Variants in NUP93 observed in about 807,000 individuals in gnomAD.
NUP93 encodes the protein nucleoporin 93, also known as nuclear pore complex protein Nup93.
In NUP93, 55 loss-of-function variants were observed where a neutral mutation model predicts 107.8. That is an observed-to-expected ratio of 0.51 (90% CI 0.41 to 0.64). The LOEUF (loss-of-function observed/expected upper bound fraction) is 0.64, where lower values mean the gene tolerates loss of function less well. Ranked by LOEUF, NUP93 falls within the 30% of genes least tolerant of loss-of-function variation. The probability of loss-of-function intolerance (pLI) is 0.00; values close to 1 mark genes in which losing one functional copy is unlikely to be tolerated. For missense variants in NUP93, 937 were observed against 1,044.7 expected, an observed-to-expected ratio of 0.90 and a Z score of 1.42; for synonymous variants, 390 against 397.5, an observed-to-expected ratio of 0.98 and a Z score of 0.22.
intron 7 of NUP93, among the ~76,000 whole-genome samples, chr16:56,822,924 C>G (rs1177914710): frequency 6.6e-6 from 1 of 152,174 alleles, no homozygotes; most frequent in Non-Finnish European, 1.5e-5. Context: ...TTGAGACAGA[C>G]CATGAAAACA....
At chr16:56,789,717 G>T (rs536912555) in intron 3 of NUP93, among the ~76,000 whole-genome samples, 23 of 152,218 alleles carry the variant, frequency 1.5e-4, no homozygotes, top group African/African-American at 5.3e-4. Context: ...AGCTCTGCCC[G>T]CTTAGCACTG....
chr16:56,799,805 G>A (rs1332919469), intron 4 of NUP93, among the ~76,000 whole-genome samples: 4 of 152,188 alleles, frequency 2.6e-5, no homozygotes, highest in Non-Finnish European at 5.9e-5. Context: ...AGGTGAAATA[G>A]GGCAGCAGGG....
chr16:56,761,759 G>C (rs1962131226), intron 3 of NUP93, among the ~76,000 whole-genome samples: 1 of 152,098 alleles, frequency 6.6e-6, no homozygotes, highest in South Asian at 2.1e-4. Context: ...TGCCACTTAT[G>C]CATTGTCTTT....
At chr16:56,813,677 A>AG (rs1963361846) in intron 5 of NUP93, among the ~76,000 whole-genome samples, 1 of 152,194 alleles carries the variant, frequency 6.6e-6, no homozygotes, top group Non-Finnish European at 1.5e-5. Context: ...AGTTTCTCCC[A>AG]GGGGCTTACA....
At chr16:56,770,454 A>G (rs1336201832) in intron 3 of NUP93, among the ~76,000 whole-genome samples, 1 of 152,212 alleles carries the variant, frequency 6.6e-6, no homozygotes, top group Non-Finnish European at 1.5e-5. Context: ...TGACAAAAAC[A>G]TTAAATCTGT....
chr16:56,839,065 T>C lies in NUP93; in HGVS notation c.2132T>C (p.Phe711Ser). The C allele has an allele frequency of 6.2e-7, 1 of 1,607,188 alleles. No individual in the cohort carries two copies. Among genetic ancestry groups the C allele is most frequent in the Non-Finnish European group, 8.5e-7 (1 of 1,174,104 alleles). The stretch of plus-strand genomic sequence containing the variant: ...CATAGTGGTCATATTGATAGAGCTT[T>C]TGATGTAAGTTTCAGGAAAGGTGTT... ...EYHSGHIDRA[F>S]DIIERLKLVP... Residue 711 changes from phenylalanine (F) to serine (S), a missense_variant, in exon 19 of 22, where the codon TTT becomes TCT. By Grantham distance (155) the Phe-to-Ser change is radical. Transcript: ENST00000308159.
chr16:56,732,431 A>G lies in NUP93; in HGVS notation c.-15+2220A>G, dbSNP rs182685502. Among the ~76,000 whole-genome samples the G allele has an allele frequency of 3.3e-5, 5 of 152,350 alleles. No individual in the cohort carries two copies. In the East Asian group the frequency reaches 5.8e-4, roughly 18 times the overall value. On this transcript the variant is annotated intron_variant, in intron 1 of 21. Transcript: ENST00000308159. ...GCCTGTGGAGGGTACCACTAGCAAT[A>G]AAAGCACAGATAGGAAGTGTGATGT... is the stretch of plus-strand genomic sequence containing the variant.
Position 56,844,566 on chromosome 16 carries a change from A to C in NUP93, c.2417A>C (p.Asp806Ala), listed in dbSNP as rs1014812302. Reference sequence around the variant, plus strand: ...ATGATACCATACCGAACGTCTGGGGACACCAATGCGAGGCTGGTGCAGATG... The same window carrying C: ...ATGATACCATACCGAACGTCTGGGGCCACCAATGCGAGGCTGGTGCAGATG... ...AGMIPYRTSG[D>A]TNARLVQMEV... Residue 806 changes from aspartate (D) to alanine (A), a missense_variant, in exon 22 of 22, where the codon GAC (aspartate) becomes GCC (alanine). Coordinates refer to ENST00000308159, the MANE Select transcript of NUP93 (RefSeq NM_014669.5). 1 of 1,587,688 alleles carries C rather than the reference A, an allele frequency of 6.3e-7. No individual in the cohort carries two copies. Among genetic ancestry groups the C allele is most frequent in the African/African-American group, 1.4e-5 (1 of 73,372 alleles).
intron 4 of NUP93, among the ~76,000 whole-genome samples, chr16:56,800,831 G>A (rs1963004191): frequency 6.6e-6 from 1 of 152,214 alleles, no homozygotes; most frequent in Non-Finnish European, 1.5e-5. Context: ...CAACAGTGCA[G>A]TAATAAACGG....
At chr16:56,834,334 C>T (rs1263140668) in intron 14 of NUP93, 36 bp from the exon 15 acceptor site, 2 of 1,613,878 alleles carry the variant, frequency 1.2e-6, no homozygotes, top group East Asian at 2.2e-5. Context: ...GACCTCATGT[C>T]CAGACTGGAA....
intron 1 of NUP93, among the ~76,000 whole-genome samples, chr16:56,731,145 T>A (rs1475446945): frequency 1.3e-5 from 2 of 152,208 alleles, no homozygotes; most frequent in Non-Finnish European, 2.9e-5. Flanking sequence ...TATCAGAGGC[T>A]AACAGATTCC....
intron 8 of NUP93, among the ~76,000 whole-genome samples, chr16:56,825,354 A>G (rs1381180450): frequency 1.3e-5 from 2 of 151,562 alleles, no homozygotes; most frequent in African/African-American, 4.9e-5. Context: ...ATGGTTGCCT[A>G]TCACCATGCC....
At chr16:56,767,499 GT>G (rs1262135830) in intron 3 of NUP93, among the ~76,000 whole-genome samples, 2 of 152,172 alleles carry the variant, frequency 1.3e-5, no homozygotes, top group Non-Finnish European at 2.9e-5. Flanking sequence ...GACTAATTTG[GT>G]TTATTTCTTT....
At position 56,848,072 on chromosome 16, in the gene NUP93, C is replaced by T. The variant is rs1241341437; in HGVS notation, c.*3463C>T. The T allele has an allele frequency of 6.6e-6, 1 of 152,222 alleles. No homozygotes were observed. Among genetic ancestry groups the T allele is most frequent in the Non-Finnish European group, 1.5e-5 (1 of 68,038 alleles). The allele number at this position is 152,222 out of a possible 1,614,324, so 9.4% of individuals were successfully genotyped here. On this transcript the variant is annotated 3_prime_UTR_variant, in exon 22 of 22. Transcript: ENST00000308159. ...TTATATGCAGCTCTGCCAACGCCTT[C>T]CTGCTTTAGACTGGATCTCTACTAT...
intron 4 of NUP93, among the ~76,000 whole-genome samples, chr16:56,803,867 G>A (rs143968858): frequency 9.2e-5 from 14 of 151,758 alleles, no homozygotes; most frequent in African/African-American, 1.2e-4. Context: ...TTCTCATGTC[G>A]CAGCCTCCCA....
rs139284015 is a variant in NUP93 at position 56,815,743 on chromosome 16, A to G, written c.490-2921A>G. The stretch of plus-strand genomic sequence containing the variant: ...CCCATTTAATCTTCATCCCAATCCT[A>G]TGTGGTGGATACCATTACCACCCCC... On this transcript the variant is annotated intron_variant, in intron 5 of 21. Coordinates refer to ENST00000308159, the MANE Select transcript of NUP93 (RefSeq NM_014669.5). Among the ~76,000 whole-genome samples, 733 of 152,234 alleles carry G rather than the reference A, an allele frequency of 4.8e-3. 6 individuals are homozygous for G. The highest frequency in any genetic ancestry group is 0.017 in the African/African-American group (695 of 41,532).
chr16:56,786,943 G>A (rs1466578152), intron 3 of NUP93, among the ~76,000 whole-genome samples: 1 of 152,246 alleles, frequency 6.6e-6, no homozygotes, highest in Non-Finnish European at 1.5e-5. Flanking sequence ...TCTGTTGCCT[G>A]TATTTGCCAC....
At chr16:56,832,569 T>C (rs1963817714) in intron 12 of NUP93, among the ~76,000 whole-genome samples, 181 bp downstream of exon 12, 1 of 152,252 alleles carries the variant, frequency 6.6e-6, no homozygotes, top group South Asian at 2.1e-4. Context: ...GCATGTGGCC[T>C]TAAGAAATAC....
At chr16:56,808,171 C>CTA (rs1176642411) in intron 5 of NUP93, among the ~76,000 whole-genome samples, 1 of 86,404 alleles carries the variant, frequency 1.2e-5, no homozygotes, top group Non-Finnish European at 2.4e-5. Flanking sequence ...AGTTATATAA[C>CTA]TATATAAAAT....
Sources: gnomAD v4.1 joint callset for allele counts (sites outside exome capture counted in the v4.1 genomes callset) on GRCh38, gnomAD v4.1.1 for gene constraint, MANE v1.5 for transcripts, NCBI Gene and HGNC (gene_info 2026-07-23, HGNC 2026-07-21) for gene names.